CDYL2: variants seen among roughly 807,000 people sequenced by gnomAD.
CDYL2 encodes the protein chromodomain Y like 2.
A neutral mutation model predicts 49.4 loss-of-function variants in CDYL2; 23 were observed. That is an observed-to-expected ratio of 0.47 (90% CI 0.34 to 0.66). The LOEUF (loss-of-function observed/expected upper bound fraction) is 0.66, where lower values mean the gene tolerates loss of function less well. Ranked by LOEUF, CDYL2 falls within the 30% of genes least tolerant of loss-of-function variation. The pLI is 0.01. For missense variants in CDYL2, 678 were observed against 656.4 expected (o/e 1.03, Z -0.36); for synonymous variants, 360 against 268.8 (o/e 1.34, Z -3.32).
At chr16:80,794,446 T>C (rs1907706032) in intron 1 of CDYL2, among the ~76,000 whole-genome samples, 1 of 151,960 alleles carries the variant, frequency 6.6e-6, no homozygotes. Context: ...ATGTCAAAAA[T>C]AGCGGAAAAA....
chr16:80,706,393 C>G (rs150022455), intron 1 of CDYL2, among the ~76,000 whole-genome samples: 1 of 152,168 alleles, frequency 6.6e-6, no homozygotes, highest in Non-Finnish European at 1.5e-5. Flanking sequence ...ACAAGATAAA[C>G]CTCAGCTTGA....
rs779182525 is a variant in CDYL2, at chr16:80,620,803, C to T, written c.967G>A (p.Asp323Asn). 1.1e-5 allele frequency: 17 copies of T among 1,610,512 alleles called. No individual in the cohort carries two copies. The highest frequency in any genetic ancestry group is 4.5e-5 in the East Asian group (2 of 44,702). ...ATCCGAGTGCTCTCCTTTCGCCGGT[C>T]GCTGGACAACCGGCCAATTAGGTAG... is the stretch of plus-strand genomic sequence containing the variant. ...YSYLIGRLSS[D>N]RRKESTRIAE... is the part of the protein sequence containing the mutation. The change falls in exon 4 of 7, where the codon GAC becomes AAC. Residue 323 changes from aspartate (D) to asparagine (N), a missense_variant. Coordinates refer to ENST00000570137, the MANE Select transcript of CDYL2 (RefSeq NM_152342.4).
At chr16:80,772,562 C>T (rs1384596338) in intron 1 of CDYL2, among the ~76,000 whole-genome samples, 1 of 152,192 alleles carries the variant, frequency 6.6e-6, no homozygotes, top group Admixed American at 6.5e-5. Flanking sequence ...AAGTAATTCT[C>T]CTGCCTCAGC....
rs528833020 is a variant in CDYL2 at position 80,736,087 on chromosome 16, G to A, written c.25-50958C>T. On this transcript the variant is annotated intron_variant, in intron 1 of 6. Coordinates refer to ENST00000570137, the MANE Select transcript of CDYL2 (RefSeq NM_152342.4). ...CATAGGCCAGTGACCTTGAGACTGT[G>A]GAACTCCCAGCTGTCACAGCTGGCC... is the stretch of plus-strand genomic sequence containing the variant. Among the ~76,000 whole-genome samples the A allele has an allele frequency of 9.2e-4, 140 of 152,326 alleles. 1 individual carries two copies. The highest frequency in any genetic ancestry group is 3.3e-3 in the African/African-American group (137 of 41,590).
chr16:80,704,881 G>A (rs1180113170), intron 1 of CDYL2, among the ~76,000 whole-genome samples: 1 of 152,186 alleles, frequency 6.6e-6, no homozygotes, highest in Non-Finnish European at 1.5e-5. Flanking sequence ...TAAGAACCCT[G>A]ATCTCATCCT....
At chr16:80,773,337 A>C (rs1364808692) in intron 1 of CDYL2, among the ~76,000 whole-genome samples, 1 of 152,210 alleles carries the variant, frequency 6.6e-6, no homozygotes, top group Non-Finnish European at 1.5e-5. Flanking sequence ...CAAAATGTAA[A>C]AATTGACATT....
At chr16:80,753,302 C>G (rs945368945) in intron 1 of CDYL2, among the ~76,000 whole-genome samples, 3 of 151,916 alleles carry the variant, frequency 2.0e-5, no homozygotes, top group Non-Finnish European at 2.9e-5. Context: ...ACACCTCACA[C>G]CATGTATTAA....
At position 80,604,496 on chromosome 16, in the gene CDYL2, C is replaced by A; in HGVS notation, c.1413G>T (p.Leu471=). 6.2e-7 allele frequency: 1 copy of A among 1,614,210 alleles called. No individual in the cohort carries two copies. The highest frequency in any genetic ancestry group is 8.5e-7 in the Non-Finnish European group (1 of 1,180,048). The change falls in exon 7 of 7, where the codon CTG becomes CTT. Residue 471 remains leucine (L), a synonymous_variant. Coordinates refer to ENST00000570137, the MANE Select transcript of CDYL2 (RefSeq NM_152342.4). ...GGCATTCCTTCTCGTTCACGTCTTCCAGCACTGATTTCAGGAAGCTCCGCA... is the reference window on the plus strand; with the variant it reads ...GGCATTCCTTCTCGTTCACGTCTTCAAGCACTGATTTCAGGAAGCTCCGCA... ...CLVRSFLKSV[L]EDVNEKECLM... is the part of the protein sequence containing the mutation.
At chr16:80,701,464 T>C (rs1156306486) in intron 1 of CDYL2, among the ~76,000 whole-genome samples, 2 of 152,200 alleles carry the variant, frequency 1.3e-5, no homozygotes, top group Non-Finnish European at 2.9e-5. Context: ...TCAATAAAAA[T>C]ATTTTTTAAA....
chr16:80,658,297 G>T (rs1009383836), intron 2 of CDYL2, among the ~76,000 whole-genome samples: 2 of 151,984 alleles, frequency 1.3e-5, no homozygotes, highest in South Asian at 2.1e-4. Flanking sequence ...TAAAGATGGG[G>T]GGTGGAAATA....
At chr16:80,750,312 T>C (rs142812832) in intron 1 of CDYL2, among the ~76,000 whole-genome samples, 1 of 151,270 alleles carries the variant, frequency 6.6e-6, no homozygotes, top group Non-Finnish European at 1.5e-5. Context: ...ACAAATATCA[T>C]CTTGTTCCAA....
chr16:80,742,650 T>C (rs1253413299), intron 1 of CDYL2, among the ~76,000 whole-genome samples: 3 of 136,772 alleles, frequency 2.2e-5, no homozygotes, highest in East Asian at 2.2e-4. Context: ...GGATGGAGGA[T>C]AGATAGGTGG....
chr16:80,750,762 G>A (rs139219613), intron 1 of CDYL2, among the ~76,000 whole-genome samples: 205 of 152,294 alleles, frequency 1.3e-3, no homozygotes, highest in African/African-American at 1.7e-3. Flanking sequence ...GCTCACGCCC[G>A]TAATCCCAGC....
At chr16:80,664,211 A>C (rs1455461015) in intron 2 of CDYL2, among the ~76,000 whole-genome samples, 4 of 152,196 alleles carry the variant, frequency 2.6e-5, no homozygotes, top group Admixed American at 2.6e-4. Context: ...TGCCCCATAA[A>C]CACCTTAACT....
chr16:80,694,691 G>C (rs575523541), intron 1 of CDYL2, among the ~76,000 whole-genome samples: 63 of 152,244 alleles, frequency 4.1e-4, no homozygotes, highest in Non-Finnish European at 7.4e-4. Flanking sequence ...CCAAGAAGCA[G>C]TCACACCCTA....
At chr16:80,741,195 G>A (rs1905723391) in intron 1 of CDYL2, among the ~76,000 whole-genome samples, 1 of 150,240 alleles carries the variant, frequency 6.7e-6, no homozygotes, top group Non-Finnish European at 1.5e-5. Context: ...TAAGATGTGT[G>A]TATAAGAATT....
At chr16:80,646,824 C>T (rs1908368446) in intron 2 of CDYL2, among the ~76,000 whole-genome samples, 2 of 148,964 alleles carry the variant, frequency 1.3e-5, no homozygotes, top group South Asian at 4.2e-4. Flanking sequence ...ACAAAACAAA[C>T]AAAAAAACAA....
chr16:80,633,030 G>C lies in CDYL2; in HGVS notation c.823C>G (p.Leu275Val). The C allele has an allele frequency of 6.2e-7, 1 of 1,614,038 alleles. No individual in the cohort carries two copies. Among genetic ancestry groups the C allele is most frequent in the Non-Finnish European group, 8.5e-7 (1 of 1,179,900 alleles). ...CCGCCACCCCTTACCTCAGGTGTCA[G>C]GGCATTGTTATCCGAGGTCTGACTG... ...LSSQTSDNNA[L>V]TPEIMKEVRR... The change falls in exon 3 of 7, where the codon CTG becomes GTG. Residue 275 changes from leucine (L) to valine (V), a missense_variant. This residue lies in a region of CDYL2 where 478 missense variants were observed against 427.0 expected (regional missense o/e 1.12). Coordinates refer to ENST00000570137, the MANE Select transcript of CDYL2 (RefSeq NM_152342.4).
At chr16:80,791,960 A>T (rs556904901) in intron 1 of CDYL2, among the ~76,000 whole-genome samples, 2 of 152,350 alleles carry the variant, frequency 1.3e-5, no homozygotes, top group Admixed American at 1.3e-4. Context: ...TTTCTCCTGA[A>T]TTAAAGTGGT....
Sources: gnomAD v4.1 joint callset for allele counts (sites outside exome capture counted in the v4.1 genomes callset) on GRCh38, gnomAD v4.1.1 for gene constraint, gnomAD v4.1.1 regional missense constraint, MANE v1.5 for transcripts, NCBI Gene and HGNC (gene_info 2026-07-23, HGNC 2026-07-21) for gene names.